The following SHISA9 variants were observed in gnomAD, a reference collection of about 807,000 sequenced individuals.
The protein encoded by SHISA9 is shisa family member 9, also known as protein shisa-9.
A neutral mutation model predicts 38.0 loss-of-function variants in SHISA9; 13 were observed. The ratio of observed to expected loss-of-function variants is 0.34; its 90% CI spans 0.22 to 0.54. The LOEUF is 0.54. Among genes scored for constraint, SHISA9 ranks in the 20% least tolerant of loss-of-function variants. The pLI, the probability that SHISA9 is intolerant of heterozygous loss-of-function variation, is 0.91. For missense variants in SHISA9, 538 were observed against 575.8 expected (o/e 0.93, Z 0.67); for synonymous variants, 275 against 242.0 (o/e 1.14, Z -1.27).
At chr16:13,500,902 C>A in the SHISA9 span, among the ~76,000 whole-genome samples, 1 of 152,150 alleles carries the variant, frequency 6.6e-6, no homozygotes, top group African/African-American at 2.4e-5. Context: ...CTAAATTCCT[C>A]TGGAAGTTGC....
intron 2 of SHISA9, among the ~76,000 whole-genome samples, chr16:13,012,518 C>T (rs1251545731): frequency 1.3e-5 from 2 of 152,118 alleles, no homozygotes; most frequent in African/African-American, 2.4e-5. Context: ...TGAGACCAAA[C>T]AACTGGACAA....
the SHISA9 span, among the ~76,000 whole-genome samples, chr16:13,541,807 C>T: frequency 1.6e-4 from 25 of 152,156 alleles, no homozygotes; most frequent in African/African-American, 6.0e-4. Flanking sequence ...GCAGATCAGT[C>T]ACTCAAAGAG....
the SHISA9 span, among the ~76,000 whole-genome samples, chr16:13,432,346 T>C: frequency 6.6e-6 from 1 of 152,010 alleles, no homozygotes. Context: ...TAAATAAAAG[T>C]TGCAAATCTG....
At chr16:13,231,962 G>C (rs1431601503) in intron 4 of SHISA9, among the ~76,000 whole-genome samples, 1 of 152,210 alleles carries the variant, frequency 6.6e-6, no homozygotes, top group Non-Finnish European at 1.5e-5. Context: ...TGTCAAGCGG[G>C]AGAAATAGTC....
At chr16:13,044,915 T>C (rs2073169758) in intron 2 of SHISA9, among the ~76,000 whole-genome samples, 1 of 152,244 alleles carries the variant, frequency 6.6e-6, no homozygotes, top group African/African-American at 2.4e-5. Context: ...TGGATGCTTA[T>C]ATTTGCTATT....
At chr16:13,311,908 T>C in the SHISA9 span, among the ~76,000 whole-genome samples, 45 of 152,284 alleles carry the variant, frequency 3.0e-4, no homozygotes, top group African/African-American at 1.0e-3. Context: ...TGAACTAAAA[T>C]AGGTAAAGCA....
chr16:12,945,470 G>A (rs1215961524), intron 2 of SHISA9, among the ~76,000 whole-genome samples: 1 of 152,018 alleles, frequency 6.6e-6, no homozygotes, highest in Non-Finnish European at 1.5e-5. Flanking sequence ...AATGTAATAG[G>A]TACTCCTTGA....
chr16:12,959,449 A>C (rs1345982336), intron 2 of SHISA9, among the ~76,000 whole-genome samples: 1 of 152,226 alleles, frequency 6.6e-6, no homozygotes, highest in African/African-American at 2.4e-5. Flanking sequence ...ACTCTGTAGA[A>C]ACCTCTGATG....
At chr16:12,925,123 G>GTT (rs2071377046) in intron 2 of SHISA9, among the ~76,000 whole-genome samples, 1 of 152,160 alleles carries the variant, frequency 6.6e-6, no homozygotes, top group Non-Finnish European at 1.5e-5. Context: ...CAGTGAAAAT[G>GTT]TTTTCACTCT....
the SHISA9 span, among the ~76,000 whole-genome samples, chr16:13,552,441 A>G: frequency 6.6e-6 from 1 of 151,938 alleles, no homozygotes; most frequent in Non-Finnish European, 1.5e-5. Context: ...TTTCAGAGGC[A>G]GCAACCACCA....
chr16:13,388,429 A>G, the SHISA9 span, among the ~76,000 whole-genome samples: 2 of 151,432 alleles, frequency 1.3e-5, no homozygotes, highest in Admixed American at 1.3e-4. Context: ...CTCCTGCCTC[A>G]GCTTCCTGAG....
At chr16:13,463,080 TG>T in the SHISA9 span, among the ~76,000 whole-genome samples, 5 of 151,838 alleles carry the variant, frequency 3.3e-5, no homozygotes, top group East Asian at 1.9e-4. Context: ...CACTTGAGCC[TG>T]GGGGGGGAAG....
the SHISA9 span, among the ~76,000 whole-genome samples, chr16:13,405,115 T>C: frequency 1.3e-5 from 2 of 152,210 alleles, no homozygotes; most frequent in African/African-American, 2.4e-5. Context: ...AGAGAAAATA[T>C]AGGGATGGCT....
chr16:13,072,787 A>G (rs555540991), intron 2 of SHISA9, among the ~76,000 whole-genome samples: 16 of 151,974 alleles, frequency 1.1e-4, no homozygotes, highest in Non-Finnish European at 1.9e-4. Flanking sequence ...CAGCCTCCTG[A>G]ATAGCTGAGA....
chr16:13,012,951 T>G (rs1200193485), intron 2 of SHISA9, among the ~76,000 whole-genome samples: 1 of 152,172 alleles, frequency 6.6e-6, no homozygotes, highest in Non-Finnish European at 1.5e-5. Flanking sequence ...GACAATCTAA[T>G]TAGGCTATTT....
the SHISA9 span, among the ~76,000 whole-genome samples, chr16:13,544,222 T>C: frequency 2.0e-5 from 3 of 149,290 alleles, no homozygotes; most frequent in Admixed American, 2.0e-4. Flanking sequence ...CATAATACTA[T>C]ATATCTTATC....
At chr16:13,003,969 T>C (rs1286902864) in intron 2 of SHISA9, among the ~76,000 whole-genome samples, 6 of 152,102 alleles carry the variant, frequency 3.9e-5, no homozygotes, top group Non-Finnish European at 8.8e-5. Context: ...GGCTAAGCTA[T>C]GTGTTGGGGG....
At chr16:13,513,583 A>C in the SHISA9 span, among the ~76,000 whole-genome samples, 7 of 152,188 alleles carry the variant, frequency 4.6e-5, no homozygotes, top group African/African-American at 1.7e-4. Context: ...CCTGGAACCA[A>C]CCCAAATGCC....
intron 2 of SHISA9, among the ~76,000 whole-genome samples, chr16:13,182,508 C>A (rs1052413621): frequency 6.6e-6 from 1 of 152,184 alleles, no homozygotes; most frequent in African/African-American, 2.4e-5. Flanking sequence ...TATAAGGGTT[C>A]TATTTTTCCT....
Sources: gnomAD v4.1 joint callset for allele counts (sites outside exome capture counted in the v4.1 genomes callset) on GRCh38, gnomAD v4.1.1 for gene constraint, MANE v1.5 for transcripts, NCBI Gene and HGNC (gene_info 2026-07-23, HGNC 2026-07-21) for gene names.